Variants in ADCK1 observed in about 807,000 individuals in gnomAD.
ADCK1 encodes the protein aarF domain containing kinase 1, also known as aarF domain-containing protein kinase 1.
In ADCK1, 41 loss-of-function variants were observed where a neutral mutation model predicts 52.3. The ratio of observed to expected loss-of-function variants is 0.78; its 90% CI spans 0.61 to 1.02. The LOEUF is 1.02. Ranked by LOEUF, ADCK1 falls within the 50% of genes least tolerant of loss-of-function variation. The pLI is 0.00. For missense variants in ADCK1, 658 were observed against 679.5 expected, an observed-to-expected ratio of 0.97 and a Z score of 0.35; for synonymous variants, 250 against 274.6, an observed-to-expected ratio of 0.91 and a Z score of 0.89.
chr14:77,845,015 C>T (rs1438548066), intron 3 of ADCK1, among the ~76,000 whole-genome samples: 2 of 152,224 alleles, frequency 1.3e-5, no homozygotes, highest in South Asian at 2.1e-4. Flanking sequence ...ATTCCTGACC[C>T]TGCTCAACTT....
rs58057378 is a variant in ADCK1, at chr14:77,905,304, G to GTTTTTTTTTTTTTTTTTTTTTTT, written c.742-2479_742-2478insTTTTTTTTTTTTTTTTTTTTTTT. On this transcript the variant is annotated intron_variant, in intron 6 of 10. Transcript: ENST00000238561. ...TCCACCTGTGACTCTTTCCTAGCTG[G>GTTTTTTTTTTTTTTTTTTTTTTT]TTTTTTTTTTTTTTTTTTTTGAGAT... Among the ~76,000 whole-genome samples, 47 of 96,260 alleles carry GTTTTTTTTTTTTTTTTTTTTTTT rather than the reference G, an allele frequency of 4.9e-4. 3 individuals carry two copies. Among genetic ancestry groups the GTTTTTTTTTTTTTTTTTTTTTTT allele is most frequent in the African/African-American group, 6.9e-4 (16 of 23,100 alleles). 63.2% of individuals were successfully genotyped at this position (96,260 alleles called of 152,430 possible).
At chr14:77,849,508 C>T (rs1234315348) in intron 3 of ADCK1, among the ~76,000 whole-genome samples, 3 of 152,110 alleles carry the variant, frequency 2.0e-5, no homozygotes, top group Non-Finnish European at 4.4e-5. Flanking sequence ...GTGACATGAT[C>T]ATGGCTCACT....
At chr14:77,908,128 C>T (rs2083710234) in intron 7 of ADCK1, 3 of 455,502 alleles carry the variant, frequency 6.6e-6, no homozygotes, top group Non-Finnish European at 8.0e-6. Context: ...CCTGCAGGGA[C>T]ATGCTGAACC....
intron 3 of ADCK1, among the ~76,000 whole-genome samples, chr14:77,840,427 G>A (rs1219352956): frequency 1.3e-5 from 2 of 151,902 alleles, no homozygotes; most frequent in African/African-American, 4.8e-5. Flanking sequence ...ATCTGGCTAA[G>A]TCCTTCTCCC....
At chr14:77,808,550 A>G (rs950463562) in intron 1 of ADCK1, among the ~76,000 whole-genome samples, 1 of 152,054 alleles carries the variant, frequency 6.6e-6, no homozygotes, top group African/African-American at 2.4e-5. Flanking sequence ...GCAACATAAA[A>G]TTATAGACAT....
chr14:77,820,244 G>A (rs2081550675), intron 2 of ADCK1, among the ~76,000 whole-genome samples: 1 of 152,110 alleles, frequency 6.6e-6, no homozygotes, highest in African/African-American at 2.4e-5. Flanking sequence ...AGACACTAGA[G>A]TGAGTGCTGT....
rs1397360366 is a variant in ADCK1 at position 77,924,747 on chromosome 14, G to C, written c.1008+141G>C. On this transcript the variant is annotated intron_variant, in intron 8 of 10. Coordinates refer to ENST00000238561, the MANE Select transcript of ADCK1 (RefSeq NM_020421.4). ...CCCTCTCCCTTGGAGCTGTCATTTTGTGCAAGTCACTGTCACAGAGCTCTC... is the reference window on the plus strand; with the variant it reads ...CCCTCTCCCTTGGAGCTGTCATTTTCTGCAAGTCACTGTCACAGAGCTCTC... The C allele has an allele frequency of 4.9e-6, 6 of 1,223,516 alleles. No individual in the cohort carries two copies. The East Asian group carries it at 1.5e-4, about 31-fold the overall frequency. 75.8% of individuals were successfully genotyped at this position (1,223,516 alleles called of 1,614,324 possible).
chr14:77,809,670 C>T (rs751914286), intron 1 of ADCK1, among the ~76,000 whole-genome samples: 4 of 151,864 alleles, frequency 2.6e-5, no homozygotes, highest in Non-Finnish European at 5.9e-5. Flanking sequence ...AATCCTGGTT[C>T]CTTAGGTGCT....
chr14:77,808,238 A>T (rs2081270198), intron 1 of ADCK1, among the ~76,000 whole-genome samples: 1 of 151,982 alleles, frequency 6.6e-6, no homozygotes, highest in Admixed American at 6.6e-5. Context: ...TCTCATGGGG[A>T]GTTCTAATTG....
intron 9 of ADCK1, among the ~76,000 whole-genome samples, chr14:77,929,759 T>C (rs898260367): frequency 6.6e-6 from 1 of 152,100 alleles, no homozygotes; most frequent in South Asian, 2.1e-4. Flanking sequence ...CTCTGCCTCC[T>C]GGGTTCAAGT....
At chr14:77,879,909 T>C (rs2082984733) in intron 4 of ADCK1, among the ~76,000 whole-genome samples, 1 of 152,178 alleles carries the variant, frequency 6.6e-6, no homozygotes, top group Non-Finnish European at 1.5e-5. Context: ...GGGGCTACTA[T>C]AGGCTCTATT....
At chr14:77,832,652 A>G (rs1438554883) in intron 3 of ADCK1, among the ~76,000 whole-genome samples, 1 of 152,190 alleles carries the variant, frequency 6.6e-6, no homozygotes. Context: ...CAGTTAACAA[A>G]TATTTAGCAT....
At chr14:77,916,282 AG>A (rs1410647018) in intron 7 of ADCK1, among the ~76,000 whole-genome samples, 2 of 151,758 alleles carry the variant, frequency 1.3e-5, no homozygotes, top group Non-Finnish European at 2.9e-5. Flanking sequence ...GTCTCTGGCC[AG>A]AGACTTGAGG....
intron 4 of ADCK1, among the ~76,000 whole-genome samples, chr14:77,870,710 G>A (rs537378627): frequency 6.6e-6 from 1 of 152,362 alleles, no homozygotes; most frequent in South Asian, 2.1e-4. Flanking sequence ...GGAGGCCATA[G>A]CCTGGAGGAC....
chr14:77,922,487 C>CT (rs2084084986), intron 7 of ADCK1, among the ~76,000 whole-genome samples: 1 of 152,152 alleles, frequency 6.6e-6, no homozygotes, highest in Admixed American at 6.5e-5. Flanking sequence ...ATCGGGGGCG[C>CT]TTATGAGAGT....
intron 5 of ADCK1, among the ~76,000 whole-genome samples, chr14:77,889,995 A>G (rs2083250321): frequency 6.6e-6 from 1 of 152,166 alleles, no homozygotes; most frequent in African/African-American, 2.4e-5. Flanking sequence ...GGGACTAAGA[A>G]AGCATGGTCA....
chr14:77,875,972 T>C (rs2082890512), intron 4 of ADCK1, among the ~76,000 whole-genome samples: 1 of 152,162 alleles, frequency 6.6e-6, no homozygotes, highest in Non-Finnish European at 1.5e-5. Context: ...CTGCAAAATA[T>C]TGCAAAAGAC....
Position 77,907,671 on chromosome 14 carries a change from G to T in ADCK1, c.742-132G>T, listed in dbSNP as rs138414125. On this transcript the variant is annotated intron_variant, in intron 6 of 10. Transcript: ENST00000238561. ...GTCCCATCCCCACTGTCACCGCTGAGGTCCCTCCTGGGCCTCTTCTCCCTT... is the reference window on the plus strand; with the variant it reads ...GTCCCATCCCCACTGTCACCGCTGATGTCCCTCCTGGGCCTCTTCTCCCTT... 421 of 624,872 alleles carry T rather than the reference G, an allele frequency of 6.7e-4. 8 individuals carry two copies. The East Asian group carries it at 0.012, about 17-fold the overall frequency. The allele number at this position is 624,872 out of a possible 1,614,324, so 38.7% of individuals were successfully genotyped here. A position where few individuals can be genotyped will look rare whatever the true frequency, so the allele number is the denominator to read the frequency against.
At chr14:77,887,056 C>T (rs1359927043) in intron 4 of ADCK1, 35 bp from the exon 5 acceptor site, 1 of 1,509,566 alleles carries the variant, frequency 6.6e-7, no homozygotes, top group East Asian at 2.4e-5. Flanking sequence ...ACTGGGTCAT[C>T]TTTTTCATTG....
Sources: allele counts gnomAD v4.1 joint callset (sites outside exome capture counted in the v4.1 genomes callset), GRCh38; gene constraint gnomAD v4.1.1; transcripts MANE v1.5; gene names NCBI Gene and HGNC (gene_info 2026-07-23, HGNC 2026-07-21).